TRMT1L: variants seen among roughly 807,000 people sequenced by gnomAD.
TRMT1L encodes the protein tRNA methyltransferase 1L.
TRMT1L carries 28 observed loss-of-function variants against 81.6 expected under a neutral mutation model. That is an observed-to-expected ratio of 0.34 (90% CI 0.25 to 0.47). The LOEUF is 0.47. TRMT1L is among the 20% of genes least tolerant of loss of function. TRMT1L has a pLI of 1.00. For missense variants in TRMT1L, 739 were observed against 877.1 expected (o/e 0.84, Z 1.99); for synonymous variants, 301 against 303.2 (o/e 0.99, Z 0.07).
At chr1:185,149,193 T>C (rs1355576217) in intron 3 of TRMT1L, among the ~76,000 whole-genome samples, 2 of 152,174 alleles carry the variant, frequency 1.3e-5, no homozygotes, top group Non-Finnish European at 2.9e-5. Context: ...GGTATGTATA[T>C]ACCATAATTT....
chr1:185,156,688 GCTC>G lies in TRMT1L; in HGVS notation c.22_24del (p.Glu8del). On this transcript the variant is annotated inframe_deletion, in exon 1 of 15. Transcript: ENST00000367506. ...ACCTCCTCCTTCTCCAGGGGCAGCAGCTCCTCCTCCGCCATATTCTCCATAGTT... is the reference window on the plus strand; with the variant it reads ...ACCTCCTCCTTCTCCAGGGGCAGCAGCTCCTCCGCCATATTCTCCATAGTT... 6.2e-7 allele frequency: 1 copy of G among 1,612,462 alleles called. No homozygotes were observed.
At chr1:185,151,804 A>G in intron 2 of TRMT1L, 21 bp downstream of exon 2, 1 of 1,514,500 alleles carries the variant, frequency 6.6e-7, no homozygotes, top group Non-Finnish European at 8.9e-7. Context: ...AGAAAAAAAA[A>G]AAACCCAAAC....
At chr1:185,157,164 G>C (rs1185516656), upstream of TRMT1L, 1 of 165,140 alleles carries the variant, frequency 6.1e-6, no homozygotes, top group Non-Finnish European at 1.3e-5. Flanking sequence ...GCTGTGGGGC[G>C]GTGAGTAGGT....
At chr1:185,131,423 C>T (rs1224331543) in intron 10 of TRMT1L, among the ~76,000 whole-genome samples, 1 of 151,964 alleles carries the variant, frequency 6.6e-6, no homozygotes, top group African/African-American at 2.4e-5. Flanking sequence ...AACAGGAGAA[C>T]TGAACAACAA....
Position 185,156,908 on chromosome 1 carries a change from C to G in TRMT1L, c.-196G>C, listed in dbSNP as rs889156239. 4.1e-6 allele frequency: 3 copies of G among 725,928 alleles called. No homozygotes were observed. The African/African-American group carries it at 5.6e-5, about 14-fold the overall frequency. 45.0% of individuals were successfully genotyped at this position (725,928 alleles called of 1,614,324 possible). On this transcript the variant is annotated 5_prime_UTR_variant, in exon 1 of 15. Transcript: ENST00000367506. Reference sequence around the variant, plus strand: ...TTAGTAGAAAACAGAAAGCCAGAGGCAGCGATTCCAGATGCCCGTCCGCTT... The same window carrying G: ...TTAGTAGAAAACAGAAAGCCAGAGGGAGCGATTCCAGATGCCCGTCCGCTT...
chr1:185,143,987 T>C lies in TRMT1L; in HGVS notation c.698A>G (p.Asp233Gly), dbSNP rs752642001. 4 of 1,609,904 alleles carry C rather than the reference T, an allele frequency of 2.5e-6. No homozygotes were observed. The South Asian group carries it at 4.4e-5, about 18-fold the overall frequency. Residue 233 changes from aspartate (D) to glycine (G), a missense_variant, in exon 6 of 15, where the codon GAC becomes GGC. Asp to Gly is a moderately conservative substitution (Grantham distance 94, BLOSUM62 -1). Coordinates refer to ENST00000367506, the MANE Select transcript of TRMT1L (RefSeq NM_030934.5). ...GTTGGGACAAACTTGTACATCCGTG[T>C]CTGCCTCTTTCAAAATTTCCTTAGG... Reference protein sequence around the residue: ...KPPKEILKEADTDVQVCPNYS... With the variant: ...KPPKEILKEAGTDVQVCPNYS...
chr1:185,150,481 C>T lies in TRMT1L; in HGVS notation c.358G>A (p.Ala120Thr), dbSNP rs375860895. Reference protein sequence around the residue: ...SDNLDAGNRQACPLCPKEKFR... With the variant: ...SDNLDAGNRQTCPLCPKEKFR... ...TTTTCCTTAGGGCACAATGGACAAG[C>T]CTGTCTGTTGCCTTAAAAAGAAAAA... The change falls in exon 3 of 15, where the codon GCT (alanine) becomes ACT (threonine). Residue 120 changes from alanine to threonine, a missense_variant. Physicochemically the swap from Ala to Thr is moderately conservative, Grantham distance 58 (BLOSUM62 0). Around this residue, in one of 4 missense-constraint regions of TRMT1L, gnomAD observed 209 missense variants for 165.4 expected, o/e 1.26. Transcript: ENST00000367506. The T allele has an allele frequency of 2.4e-5, 38 of 1,612,018 alleles. No homozygotes were observed. Among genetic ancestry groups the T allele is most frequent in the African/African-American group, 6.7e-5 (5 of 74,848 alleles).
intron 1 of TRMT1L, 78 bp downstream of exon 1, chr1:185,156,400 T>A: frequency 6.2e-7 from 1 of 1,612,344 alleles, no homozygotes; most frequent in Non-Finnish European, 8.5e-7. Context: ...ACCATCCCGG[T>A]GAAGGGCCTC....
intron 3 of TRMT1L, among the ~76,000 whole-genome samples, chr1:185,148,216 A>G (rs1305335461): frequency 6.6e-6 from 1 of 152,066 alleles, no homozygotes; most frequent in African/African-American, 2.4e-5. Context: ...TTAGCCCCAC[A>G]TTCTTCCTGA....
At position 185,125,107 on chromosome 1, in the gene TRMT1L, T is replaced by C; in HGVS notation, c.1596A>G (p.Ser532=). Residue 532 remains serine (S), a synonymous_variant, in exon 12 of 15, where the codon TCA becomes TCG. Transcript: ENST00000367506. ...GGAATCCAGTATTGAAAAGGGAACTTGACCTGAAAAGAAAAGAATATACAG... is the reference window on the plus strand; with the variant it reads ...GGAATCCAGTATTGAAAAGGGAACTCGACCTGAAAAGAAAAGAATATACAG... ...KTAIELGPLW[S]SSLFNTGFLK... The C allele has an allele frequency of 1.2e-6, 2 of 1,601,648 alleles. No individual in the cohort carries two copies. Among genetic ancestry groups the C allele is most frequent in the Non-Finnish European group, 8.5e-7 (1 of 1,174,196 alleles).
At position 185,139,355 on chromosome 1, in the gene TRMT1L, G is replaced by A. The variant is rs750303884; in HGVS notation, c.1322+12C>T. ...CTGAAACACACTAAGTACACTGTTG[G>A]CAATTTGGTACCTTGCCACTGCAGC... On this transcript the variant is annotated intron_variant, in intron 9 of 14. Transcript: ENST00000367506. The A allele has an allele frequency of 1.5e-5, 24 of 1,607,880 alleles. No homozygotes were observed. Among genetic ancestry groups the A allele is most frequent in the Non-Finnish European group, 2.0e-5 (23 of 1,175,544 alleles).
At chr1:185,127,514 T>G (rs1652659001) in intron 11 of TRMT1L, among the ~76,000 whole-genome samples, 1 of 151,950 alleles carries the variant, frequency 6.6e-6, no homozygotes, top group South Asian at 2.1e-4. Context: ...CCCCAGCACT[T>G]TGGGAGGCCG....
intron 10 of TRMT1L, among the ~76,000 whole-genome samples, chr1:185,135,038 C>T (rs1420765496): frequency 1.3e-5 from 2 of 152,112 alleles, no homozygotes; most frequent in Non-Finnish European, 2.9e-5. Context: ...GTTGTGGTAT[C>T]AAGGAGCCAA....
chr1:185,153,943 T>C (rs879841978), intron 1 of TRMT1L, among the ~76,000 whole-genome samples: 4 of 152,242 alleles, frequency 2.6e-5, no homozygotes, highest in Non-Finnish European at 5.9e-5. Flanking sequence ...CCCATTTGTA[T>C]AATTTGTGTC....
In TRMT1L at chr1:185,156,756, G is replaced by T; in HGVS notation, c.-44C>A. On this transcript the variant is annotated 5_prime_UTR_variant, in exon 1 of 15. Coordinates refer to ENST00000367506, the MANE Select transcript of TRMT1L (RefSeq NM_030934.5). ...AAGCCCGCCCGGGGACCCGGAGCGG[G>T]GCTCACGGCGGGGTCAGAGAACTGA... 1.2e-6 allele frequency: 2 copies of T among 1,608,000 alleles called. No individual in the cohort carries two copies. The highest frequency in any genetic ancestry group is 2.2e-5 in the South Asian group (2 of 90,362).
At chr1:185,143,715 A>G (rs550775993) in intron 6 of TRMT1L, among the ~76,000 whole-genome samples, 191 bp downstream of exon 6, 5 of 152,260 alleles carry the variant, frequency 3.3e-5, no homozygotes, top group African/African-American at 7.2e-5. Flanking sequence ...AGTTACGCCT[A>G]TCTTATTCTC....
At position 185,137,757 on chromosome 1, in the gene TRMT1L, A is replaced by G; in HGVS notation, c.1362T>C (p.Phe454=). 6.2e-7 allele frequency: 1 copy of G among 1,614,078 alleles called. No individual in the cohort carries two copies. The highest frequency in any genetic ancestry group is 8.5e-7 in the Non-Finnish European group (1 of 1,180,008). The stretch of plus-strand genomic sequence containing the variant: ...ACACAAAATGTTCCAGAGCCACTGC[A>G]AACAGTACTTCTATGCCTTTGTTGC... ...ARCNKGIEVL[F]AVALEHFVLV... The change falls in exon 10 of 15, where the codon TTT becomes TTC. Residue 454 remains phenylalanine (F), a synonymous_variant. Transcript: ENST00000367506.
intron 10 of TRMT1L, among the ~76,000 whole-genome samples, chr1:185,132,181 C>T (rs1652786883): frequency 6.6e-6 from 1 of 151,598 alleles, no homozygotes; most frequent in Non-Finnish European, 1.5e-5. Context: ...GTCCCCTTGC[C>T]CCCCAAATTT....
In TRMT1L at chr1:185,156,799, C is replaced by G; in HGVS notation, c.-87G>C. On this transcript the variant is annotated 5_prime_UTR_variant, in exon 1 of 15. Transcript: ENST00000367506. ...AGAACTGACGTGAATGCCCACAGGG[C>G]TGGATCCAAGGAGTGGGGAAGCAAG... The G allele has an allele frequency of 1.9e-6, 3 of 1,556,286 alleles. No homozygotes were observed. The highest frequency in any genetic ancestry group is 1.2e-5 in the South Asian group (1 of 84,998).
Sources: gnomAD v4.1 joint callset for allele counts (sites outside exome capture counted in the v4.1 genomes callset) on GRCh38, gnomAD v4.1.1 for gene constraint, gnomAD v4.1.1 regional missense constraint, MANE v1.5 for transcripts, NCBI Gene and HGNC (gene_info 2026-07-23, HGNC 2026-07-21) for gene names.